The following CSMD3 variants were observed in gnomAD, a reference collection of about 807,000 sequenced individuals.
CSMD3 encodes CUB and sushi domain-containing protein 3.
A neutral mutation model predicts 435.2 loss-of-function variants in CSMD3; 177 were observed. The observed-to-expected ratio is 0.41, with a 90% confidence interval of 0.36 to 0.46. The LOEUF is 0.46. CSMD3 is among the 20% of genes least tolerant of loss of function. The pLI, the probability that CSMD3 is intolerant of heterozygous loss-of-function variation, is 0.34. For synonymous variants in CSMD3, 1,656 were observed against 1,520.5 expected, an observed-to-expected ratio of 1.09 and a Z score of -2.07; for missense variants, 4,265 against 4,504.6, an observed-to-expected ratio of 0.95 and a Z score of 1.52.
chr8:112,454,975 G>A (rs1816680895), intron 32 of CSMD3, among the ~76,000 whole-genome samples: 1 of 151,862 alleles, frequency 6.6e-6, no homozygotes, highest in Admixed American at 6.6e-5. Flanking sequence ...GGCTACAGTG[G>A]TCAGTATTCA....
At chr8:113,320,506 A>G (rs2093942156) in intron 1 of CSMD3, among the ~76,000 whole-genome samples, 1 of 152,046 alleles carries the variant, frequency 6.6e-6, no homozygotes, top group Non-Finnish European at 1.5e-5. Context: ...CAACATTCAC[A>G]CTTGTGTTTA....
chr8:112,887,651 G>C (rs2081646592), intron 10 of CSMD3, among the ~76,000 whole-genome samples: 1 of 150,698 alleles, frequency 6.6e-6, no homozygotes, highest in Non-Finnish European at 1.5e-5. Context: ...TTATTTTATA[G>C]TATGGATAGT....
intron 13 of CSMD3, among the ~76,000 whole-genome samples, chr8:112,757,794 C>A (rs933145866): frequency 5.3e-5 from 8 of 152,078 alleles, no homozygotes; most frequent in African/African-American, 1.9e-4. Context: ...TGGCTCACAC[C>A]TGTAATCCCA....
chr8:112,298,655 C>A (rs986012467), intron 53 of CSMD3, among the ~76,000 whole-genome samples: 2 of 152,094 alleles, frequency 1.3e-5, no homozygotes, highest in Middle Eastern at 3.2e-3. Flanking sequence ...AGTCAATATA[C>A]TTTACCACTT....
chr8:112,681,911 C>T (rs1392123912), intron 16 of CSMD3, among the ~76,000 whole-genome samples: 1 of 151,748 alleles, frequency 6.6e-6, no homozygotes, highest in Non-Finnish European at 1.5e-5. Context: ...ATCACACACA[C>T]ACATATATAT....
chr8:113,089,212 CT>C (rs1466365630), intron 5 of CSMD3, among the ~76,000 whole-genome samples: 1 of 152,108 alleles, frequency 6.6e-6, no homozygotes, highest in Non-Finnish European at 1.5e-5. Flanking sequence ...CAACATCACT[CT>C]TGGTTTTCCT....
intron 13 of CSMD3, among the ~76,000 whole-genome samples, chr8:112,694,056 G>A (rs1478581856): frequency 3.4e-5 from 2 of 59,138 alleles, no homozygotes; most frequent in South Asian, 8.4e-4. Flanking sequence ...TTGTTTCATA[G>A]TCTTCTTTTT....
chr8:113,336,211 T>A (rs1001547203), intron 1 of CSMD3, among the ~76,000 whole-genome samples: 2 of 152,126 alleles, frequency 1.3e-5, no homozygotes, highest in Non-Finnish European at 2.9e-5. Flanking sequence ...ATCCCAATAA[T>A]TGAGCTTTTC....
intron 3 of CSMD3, among the ~76,000 whole-genome samples, chr8:113,190,267 G>A (rs1337991561): frequency 6.6e-6 from 1 of 151,820 alleles, no homozygotes; most frequent in African/African-American, 2.4e-5. Context: ...TTGTGAGCAG[G>A]TGGTGGAGAG....
At chr8:113,408,583 A>G (rs993092076) in intron 1 of CSMD3, among the ~76,000 whole-genome samples, 1 of 152,172 alleles carries the variant, frequency 6.6e-6, no homozygotes, top group African/African-American at 2.4e-5. Context: ...TGACTAAGAT[A>G]TAAATAATAA....
At chr8:112,931,857 C>T (rs1250675702) in intron 9 of CSMD3, among the ~76,000 whole-genome samples, 2 of 152,144 alleles carry the variant, frequency 1.3e-5, no homozygotes, top group African/African-American at 4.8e-5. Flanking sequence ...TTCAACATCA[C>T]TAATCATCAG....
At chr8:112,749,339 G>A (rs747281455) in intron 13 of CSMD3, among the ~76,000 whole-genome samples, 1 of 152,092 alleles carries the variant, frequency 6.6e-6, no homozygotes, top group Non-Finnish European at 1.5e-5. Flanking sequence ...AGGCTCTTAA[G>A]TTTAATTAGA....
At chr8:112,306,718 C>T (rs957516881) in intron 50 of CSMD3, among the ~76,000 whole-genome samples, 1 of 152,106 alleles carries the variant, frequency 6.6e-6, no homozygotes, top group Non-Finnish European at 1.5e-5. Context: ...AGCTGGGGCA[C>T]CATCCACAAA....
chr8:112,685,282 T>C (rs778264896), intron 15 of CSMD3, 124 bp downstream of exon 15: 8 of 719,978 alleles, frequency 1.1e-5, no homozygotes, highest in Admixed American at 7.4e-5. Context: ...CTTGGCACAA[T>C]GAGATTTACA....
intron 3 of CSMD3, among the ~76,000 whole-genome samples, chr8:113,192,074 CT>C (rs1240242158): frequency 6.6e-6 from 1 of 151,584 alleles, no homozygotes; most frequent in Non-Finnish European, 1.5e-5. Context: ...TGTCTTTTGC[CT>C]ATTTTAATTG....
intron 1 of CSMD3, among the ~76,000 whole-genome samples, chr8:113,318,786 ATGTGTGTGTGTGTGTG>A (rs56269027): frequency 1.4e-5 from 2 of 140,066 alleles, no homozygotes; most frequent in Non-Finnish European, 3.1e-5. Flanking sequence ...GCTGAATAAG[ATGTGTGTGTGTGTGTG>A]TGTGTGTGTG....
intron 3 of CSMD3, among the ~76,000 whole-genome samples, chr8:113,255,999 C>T (rs1224190933): frequency 6.6e-6 from 1 of 151,820 alleles, no homozygotes; most frequent in Non-Finnish European, 1.5e-5. Flanking sequence ...AATGAAAATA[C>T]TTACAATTTT....
intron 57 of CSMD3, among the ~76,000 whole-genome samples, chr8:112,288,582 G>A (rs1160075080): frequency 6.6e-6 from 1 of 151,768 alleles, no homozygotes; most frequent in African/African-American, 2.4e-5. Flanking sequence ...GTAGTGTAAA[G>A]ACAATGGACA....
chr8:112,242,445 A>G (rs539561821), intron 65 of CSMD3, among the ~76,000 whole-genome samples: 2 of 152,108 alleles, frequency 1.3e-5, no homozygotes, highest in Non-Finnish European at 2.9e-5. Flanking sequence ...AACCAAGAAA[A>G]CTTTGGAAAG....
Sources: allele counts gnomAD v4.1 joint callset (sites outside exome capture counted in the v4.1 genomes callset), GRCh38; gene constraint gnomAD v4.1.1; transcripts MANE v1.5; gene names NCBI Gene and HGNC (gene_info 2026-07-23, HGNC 2026-07-21).